The following KAZN variants were observed in gnomAD, a reference collection of about 807,000 sequenced individuals.
The protein encoded by KAZN is kazrin.
Under a neutral mutation model 87.4 loss-of-function variants are expected in KAZN, and 40 were observed. The observed-to-expected ratio is 0.46, with a 90% CI of 0.36 to 0.60. The LOEUF (loss-of-function observed/expected upper bound fraction) is 0.60. Ranked by LOEUF, KAZN falls within the 20% of genes least tolerant of loss-of-function variation. KAZN has a pLI of 0.00. For missense variants in KAZN, 898 were observed against 1,073.9 expected (o/e 0.84, Z 2.29); for synonymous variants, 466 against 458.3 (o/e 1.02, Z -0.22).
chr1:14,481,367 GTCT>G lies in KAZN; in HGVS notation c.250-117611_250-117609del, dbSNP rs762182436. Among the ~76,000 whole-genome samples, 273 of 152,102 alleles carry G rather than the reference GTCT, an allele frequency of 1.8e-3. 1 individual carries two copies. Among genetic ancestry groups the G allele is most frequent in the Non-Finnish European group, 2.7e-3 (184 of 67,998 alleles). The stretch of plus-strand genomic sequence containing the variant: ...GTAAGGTTAGCCATTATTAATAATG[GTCT>G]TCTTGTTGTTTAAGATTATTATAAA... On this transcript the variant is annotated intron_variant, in intron 2 of 16. Coordinates refer to the KAZN transcript ENST00000636203.
intron 2 of KAZN, among the ~76,000 whole-genome samples, chr1:14,247,899 G>A (rs750211809): frequency 1.1e-4 from 17 of 152,238 alleles, no homozygotes; most frequent in Non-Finnish European, 8.8e-5. Flanking sequence ...TGTGTGGGAA[G>A]CCAGTTGCTC....
At chr1:13,957,465 C>G (rs528042644) in intron 1 of KAZN, among the ~76,000 whole-genome samples, 1 of 152,048 alleles carries the variant, frequency 6.6e-6, no homozygotes, top group South Asian at 2.1e-4. Context: ...GGTTGGGTAC[C>G]CCTGTGTTTT....
At chr1:14,432,303 A>AT (rs1048362897) in intron 2 of KAZN, among the ~76,000 whole-genome samples, 1 of 152,130 alleles carries the variant, frequency 6.6e-6, no homozygotes, top group African/African-American at 2.4e-5. Flanking sequence ...AAAAATTGTA[A>AT]TTTTTTTCAC....
intron 2 of KAZN, among the ~76,000 whole-genome samples, chr1:14,490,555 C>T (rs12042171): frequency 0.03 from 4,612 of 152,084 alleles, 181 homozygotes; most frequent in East Asian, 0.15. Context: ...TGCAGTGGCG[C>T]GATCTCGGCT....
At chr1:14,322,724 C>G (rs1276740228) in intron 2 of KAZN, among the ~76,000 whole-genome samples, 1 of 152,160 alleles carries the variant, frequency 6.6e-6, no homozygotes, top group African/African-American at 2.4e-5. Context: ...GAGTTGATGC[C>G]TTTTTAACTT....
At chr1:13,935,772 C>T (rs150332399) in intron 1 of KAZN, among the ~76,000 whole-genome samples, 44 of 152,098 alleles carry the variant, frequency 2.9e-4, no homozygotes, top group Non-Finnish European at 5.0e-4. Flanking sequence ...TAGTAGCTGA[C>T]AAAGTCACTA....
chr1:14,508,510 T>A (rs1486158861), intron 2 of KAZN, among the ~76,000 whole-genome samples: 1 of 152,220 alleles, frequency 6.6e-6, no homozygotes, highest in Non-Finnish European at 1.5e-5. Flanking sequence ...CAATTTCAAA[T>A]TTTTAAAGAA....
At chr1:13,966,736 G>C (rs895020733) in intron 1 of KAZN, among the ~76,000 whole-genome samples, 1 of 152,182 alleles carries the variant, frequency 6.6e-6, no homozygotes, top group African/African-American at 2.4e-5. Flanking sequence ...CGAAGCATTA[G>C]AATGAAACAC....
intron 2 of KAZN, among the ~76,000 whole-genome samples, chr1:14,560,407 C>G (rs1426142460): frequency 6.6e-6 from 1 of 152,042 alleles, no homozygotes; most frequent in Non-Finnish European, 1.5e-5. Flanking sequence ...TGATGAAACC[C>G]CATCTCTACT....
At chr1:14,955,373 C>T (rs1317827211) in intron 1 of KAZN, among the ~76,000 whole-genome samples, 3 of 152,204 alleles carry the variant, frequency 2.0e-5, no homozygotes, top group East Asian at 3.9e-4. Flanking sequence ...GCTGGTGGCC[C>T]CTGAGCTGGT....
chr1:14,383,789 G>C (rs1661591286), intron 2 of KAZN, among the ~76,000 whole-genome samples: 1 of 152,086 alleles, frequency 6.6e-6, no homozygotes, highest in Admixed American at 6.5e-5. Flanking sequence ...GGATTGACTT[G>C]GCTATATGGG....
intron 1 of KAZN, among the ~76,000 whole-genome samples, chr1:14,932,804 T>C (rs570442684): frequency 3.6e-4 from 55 of 152,176 alleles, no homozygotes; most frequent in African/African-American, 1.3e-3. Context: ...TTGAATTTTT[T>C]GTATTATGGT....
intron 2 of KAZN, among the ~76,000 whole-genome samples, chr1:14,459,012 T>G (rs1199232233): frequency 1.3e-5 from 2 of 152,208 alleles, no homozygotes; most frequent in Non-Finnish European, 2.9e-5. Flanking sequence ...TGTTTCCTTT[T>G]TGTTTGTCAA....
chr1:14,406,986 G>A lies in KAZN; in HGVS notation c.250-191997G>A, dbSNP rs142213887. Among the ~76,000 whole-genome samples, 703 of 152,266 alleles carry A rather than the reference G, an allele frequency of 4.6e-3. 11 individuals are homozygous for A. The highest frequency in any genetic ancestry group is 0.036 in the East Asian group (187 of 5,180). On this transcript the variant is annotated intron_variant, in intron 2 of 16. Transcript: ENST00000636203. ...AGCAGGCACTCGATAGCTGTGTACC[G>A]AATGAATTTCCAGTTTCGCAAGTCA...
chr1:15,058,730 TAAC>T (rs1638521272), intron 5 of KAZN, among the ~76,000 whole-genome samples: 1 of 152,110 alleles, frequency 6.6e-6, no homozygotes, highest in Admixed American at 6.5e-5. Flanking sequence ...TACTATTAAA[TAAC>T]AAGCAGGCCA....
chr1:14,010,237 G>A (rs1640231464), intron 1 of KAZN, among the ~76,000 whole-genome samples: 1 of 152,080 alleles, frequency 6.6e-6, no homozygotes, highest in Non-Finnish European at 1.5e-5. Context: ...ATGCTTCATA[G>A]AAAATCCTCC....
chr1:14,854,006 C>G (rs1421607400), intron 1 of KAZN, among the ~76,000 whole-genome samples: 1 of 152,168 alleles, frequency 6.6e-6, no homozygotes, highest in Non-Finnish European at 1.5e-5. Flanking sequence ...GAGTCTCAGG[C>G]AGGGACAATG....
intron 1 of KAZN, among the ~76,000 whole-genome samples, chr1:14,627,286 C>G (rs1027935065): frequency 2.0e-5 from 3 of 151,958 alleles, no homozygotes; most frequent in Non-Finnish European, 4.4e-5. Flanking sequence ...TGCAGAGGCC[C>G]ATGAGGCTGC....
chr1:14,537,133 A>T (rs1672550168), intron 2 of KAZN, among the ~76,000 whole-genome samples: 1 of 152,126 alleles, frequency 6.6e-6, no homozygotes, highest in Non-Finnish European at 1.5e-5. Context: ...ATATCCACAA[A>T]CCTCCAGTTT....
Sources: gnomAD v4.1 joint callset for allele counts (sites outside exome capture counted in the v4.1 genomes callset) on GRCh38, gnomAD v4.1.1 for gene constraint, MANE v1.5 for transcripts, NCBI Gene and HGNC (gene_info 2026-07-23, HGNC 2026-07-21) for gene names.